The following GPR176 variants were observed in gnomAD, a reference collection of about 807,000 sequenced individuals.
GPR176 encodes G-protein coupled receptor 176.
In GPR176, 26 loss-of-function variants were observed where a neutral mutation model predicts 35.4. The observed-to-expected ratio is 0.74, with a 90% CI of 0.54 to 1.02. The LOEUF (loss-of-function observed/expected upper bound fraction) is 1.02. Ranked by LOEUF, GPR176 falls within the 50% of genes least tolerant of loss-of-function variation. The pLI is 0.00. For synonymous variants in GPR176, 278 were observed against 271.3 expected, an observed-to-expected ratio of 1.02 and a Z score of -0.24; for missense variants, 597 against 665.3, an observed-to-expected ratio of 0.90 and a Z score of 1.13.
chr15:39,913,500 G>A (rs756924142), intron 1 of GPR176, among the ~76,000 whole-genome samples: 85 of 151,128 alleles, frequency 5.6e-4, no homozygotes, highest in Non-Finnish European at 1.0e-3. Flanking sequence ...AACTGAGATC[G>A]CACCACTGTA....
chr15:39,867,989 T>C (rs758997896), intron 1 of GPR176, among the ~76,000 whole-genome samples: 5 of 152,106 alleles, frequency 3.3e-5, no homozygotes, highest in African/African-American at 4.8e-5. Flanking sequence ...AGCTATTTTC[T>C]CAGGCTGATC....
chr15:39,842,043 C>T (rs932668041), intron 1 of GPR176, among the ~76,000 whole-genome samples: 25 of 152,222 alleles, frequency 1.6e-4, no homozygotes, highest in African/African-American at 6.0e-4. Flanking sequence ...ATAGTCTGAA[C>T]GTCTGTGTCC....
At chr15:39,883,674 C>T (rs2032566267) in intron 1 of GPR176, among the ~76,000 whole-genome samples, 1 of 152,128 alleles carries the variant, frequency 6.6e-6, no homozygotes, top group African/African-American at 2.4e-5. Context: ...CATGATGGCA[C>T]ATAAATACTC....
chr15:39,863,673 T>C (rs916259348), intron 1 of GPR176, among the ~76,000 whole-genome samples: 1 of 152,188 alleles, frequency 6.6e-6, no homozygotes, highest in Non-Finnish European at 1.5e-5. Context: ...AAATTTCCAG[T>C]CCTGCAAGCT....
intron 1 of GPR176, 199 bp from the exon 2 acceptor site, chr15:39,807,457 A>G: frequency 4.3e-6 from 4 of 933,810 alleles, no homozygotes; most frequent in Middle Eastern, 2.2e-4. Flanking sequence ...TCACATATCA[A>G]TAAGTCTAGA....
chr15:39,903,750 GA>G (rs1438325701), intron 1 of GPR176, among the ~76,000 whole-genome samples: 1 of 152,216 alleles, frequency 6.6e-6, no homozygotes, highest in Non-Finnish European at 1.5e-5. Flanking sequence ...TAAGTAGGGG[GA>G]AAAATGCTTC....
chr15:39,903,777 T>C (rs1688092), intron 1 of GPR176, among the ~76,000 whole-genome samples: 16,306 of 152,092 alleles, frequency 0.11, 1,431 homozygotes, highest in Admixed American at 0.23. Context: ...TAACATAGTG[T>C]CTGGTCATTG....
chr15:39,900,648 C>A (rs942749137), intron 1 of GPR176, among the ~76,000 whole-genome samples: 4 of 152,180 alleles, frequency 2.6e-5, no homozygotes, highest in African/African-American at 7.2e-5. Context: ...CCACTTGCCC[C>A]CTCTGTTCTC....
chr15:39,891,546 C>T (rs8036251), intron 1 of GPR176, among the ~76,000 whole-genome samples: 1,897 of 152,216 alleles, frequency 0.012, 49 homozygotes, highest in African/African-American at 0.041. Flanking sequence ...ACTATGTTTC[C>T]CAGTCTAAGT....
chr15:39,831,994 G>GCACACACACACA (rs59388406), intron 1 of GPR176, among the ~76,000 whole-genome samples: 2 of 146,810 alleles, frequency 1.4e-5, no homozygotes. Context: ...ACATGTGCAT[G>GCACACACACACA]CACACACACA....
rs550509045 is a variant in GPR176 at position 39,876,686 on chromosome 15, A to G, written c.172+43169T>C. Among the ~76,000 whole-genome samples the G allele has an allele frequency of 7.2e-5, 11 of 152,192 alleles. No individual in the cohort carries two copies. The East Asian group carries it at 1.7e-3, about 24-fold the overall frequency. On this transcript the variant is annotated intron_variant, in intron 1 of 2. Coordinates refer to ENST00000561100, the MANE Select transcript of GPR176 (RefSeq NM_007223.3). ...ATGGCAAAACCCCCTCTCTATAAAA[A>G]AAAAATACAAAAATTAGCTGGGTGT...
rs868265347 is a variant in GPR176 at position 39,808,669 on chromosome 15, T to C, written c.173-1411A>G. On this transcript the variant is annotated intron_variant, in intron 1 of 2. Transcript: ENST00000561100. ...AAACTGTATCAATCTTGTTCACTGTTGTAACTCCATGCCTAGCTCAGTATC... is the reference window on the plus strand; with the variant it reads ...AAACTGTATCAATCTTGTTCACTGTCGTAACTCCATGCCTAGCTCAGTATC... Among the ~76,000 whole-genome samples, 6 of 152,310 alleles carry C rather than the reference T, an allele frequency of 3.9e-5. No homozygotes were observed. In the South Asian group the frequency reaches 1.0e-3, roughly 26 times the overall value.
chr15:39,845,546 G>A (rs2030358607), intron 1 of GPR176, among the ~76,000 whole-genome samples: 1 of 151,648 alleles, frequency 6.6e-6, no homozygotes. Flanking sequence ...CTGATGCCTG[G>A]GCCACACTCA....
At chr15:39,887,908 C>G (rs1381834346) in intron 1 of GPR176, among the ~76,000 whole-genome samples, 1 of 152,208 alleles carries the variant, frequency 6.6e-6, no homozygotes, top group Non-Finnish European at 1.5e-5. Flanking sequence ...AAGCTCTCTG[C>G]CATCCTCCTA....
chr15:39,873,504 A>G (rs1003610305), intron 1 of GPR176, among the ~76,000 whole-genome samples: 1 of 152,134 alleles, frequency 6.6e-6, no homozygotes, highest in Non-Finnish European at 1.5e-5. Flanking sequence ...ACCGAAAACT[A>G]CAACACTGGC....
intron 1 of GPR176, among the ~76,000 whole-genome samples, chr15:39,883,279 G>C (rs2032549070): frequency 6.6e-6 from 1 of 151,788 alleles, no homozygotes. Flanking sequence ...CACTAGATAA[G>C]GAACCCATCA....
chr15:39,835,069 G>A (rs1014071399), intron 1 of GPR176, among the ~76,000 whole-genome samples: 2 of 152,196 alleles, frequency 1.3e-5, no homozygotes, highest in East Asian at 1.9e-4. Context: ...CCAGGCTAGA[G>A]TGCAATGGTG....
intron 1 of GPR176, among the ~76,000 whole-genome samples, chr15:39,832,256 T>C (rs1042785162): frequency 3.3e-5 from 5 of 152,130 alleles, no homozygotes; most frequent in Non-Finnish European, 5.9e-5. Context: ...GGAACCCTCA[T>C]AGACTGCTGG....
chr15:39,820,707 T>G (rs1050288579), intron 1 of GPR176, among the ~76,000 whole-genome samples: 1 of 152,186 alleles, frequency 6.6e-6, no homozygotes, highest in Non-Finnish European at 1.5e-5. Flanking sequence ...TTGTCTGTAA[T>G]GAAGTGCATG....
Sources: allele counts gnomAD v4.1 joint callset (sites outside exome capture counted in the v4.1 genomes callset), GRCh38; gene constraint gnomAD v4.1.1; transcripts MANE v1.5; gene names NCBI Gene and HGNC (gene_info 2026-07-23, HGNC 2026-07-21).